TRIM2: variants seen among roughly 807,000 people sequenced by gnomAD.
TRIM2 encodes tripartite motif containing 2, also known as tripartite motif-containing protein 2.
Under a neutral mutation model 75.2 loss-of-function variants are expected in TRIM2, and 20 were observed. That is an observed-to-expected ratio of 0.27 (90% CI 0.19 to 0.39). The LOEUF is 0.39. Among genes scored for constraint, TRIM2 ranks in the 10% least tolerant of loss-of-function variants. The pLI is 1.00. For synonymous variants in TRIM2, 373 were observed against 388.3 expected (o/e 0.96, Z 0.46); for missense variants, 660 against 990.8 (o/e 0.67, Z 4.48).
chr4:153,312,586 G>A (rs1460600383), intron 6 of TRIM2, among the ~76,000 whole-genome samples: 1 of 152,092 alleles, frequency 6.6e-6, no homozygotes, highest in Non-Finnish European at 1.5e-5. Flanking sequence ...TGGAGAAATA[G>A]GAATACTTTT....
chr4:153,239,981 C>A (rs183399582), intron 1 of TRIM2, among the ~76,000 whole-genome samples: 1 of 152,052 alleles, frequency 6.6e-6, no homozygotes, highest in Admixed American at 6.5e-5. Flanking sequence ...ACTGCATCCA[C>A]GCGCCACACG....
At chr4:153,246,672 G>C (rs924309865) in intron 1 of TRIM2, among the ~76,000 whole-genome samples, 1 of 152,148 alleles carries the variant, frequency 6.6e-6, no homozygotes, top group Non-Finnish European at 1.5e-5. Context: ...GTGGGAGAAA[G>C]GGGGAGGAAG....
chr4:153,203,103 CAAAAAAA>C (rs200371158), upstream of TRIM2, among the ~76,000 whole-genome samples: 31 of 87,346 alleles, frequency 3.5e-4, no homozygotes, highest in Admixed American at 6.2e-4. Context: ...GACTCCATCT[CAAAAAAA>C]AAAAAAAAAA....
intron 10 of TRIM2, among the ~76,000 whole-genome samples, chr4:153,327,129 C>A (rs1770413190): frequency 6.6e-6 from 1 of 151,990 alleles, no homozygotes; most frequent in Admixed American, 6.6e-5. Flanking sequence ...TAAAAGGAGA[C>A]AAAAAGAGTC....
chr4:153,269,053 C>G (rs1755983530), intron 1 of TRIM2, among the ~76,000 whole-genome samples: 1 of 152,136 alleles, frequency 6.6e-6, no homozygotes. Context: ...ATATTAATAG[C>G]ATGTAGGGGA....
intron 1 of TRIM2, among the ~76,000 whole-genome samples, chr4:153,207,390 C>T (rs1402326252): frequency 1.1e-4 from 17 of 152,192 alleles, no homozygotes; most frequent in Admixed American, 9.8e-4. Flanking sequence ...AACCTGGAGT[C>T]CAGCCTCACT....
chr4:153,316,025 T>C, intron 8 of TRIM2, 26 bp downstream of exon 8: 3 of 1,522,020 alleles, frequency 2.0e-6, no homozygotes, highest in Non-Finnish European at 2.6e-6. Flanking sequence ...AATTGTTCAC[T>C]AAACAATGGA....
chr4:153,212,059 A>T (rs1376947614), intron 1 of TRIM2, among the ~76,000 whole-genome samples: 2 of 152,066 alleles, frequency 1.3e-5, no homozygotes, highest in Non-Finnish European at 2.9e-5. Context: ...GGTAGGCTAC[A>T]TTTCCCAGCC....
intron 6 of TRIM2, chr4:153,310,216 T>C (rs189424086): frequency 9.9e-4 from 151 of 152,354 alleles, no homozygotes; most frequent in African/African-American, 3.5e-3. Flanking sequence ...CTAGCTAATA[T>C]GTAACCATCA....
At chr4:153,253,549 G>A (rs1025488107) in intron 1 of TRIM2, among the ~76,000 whole-genome samples, 3 of 152,220 alleles carry the variant, frequency 2.0e-5, no homozygotes, top group Middle Eastern at 3.2e-3. Flanking sequence ...ACTCCATCTT[G>A]AATAGGAGTC....
intron 9 of TRIM2, among the ~76,000 whole-genome samples, chr4:153,323,830 G>A (rs1018853669): frequency 2.6e-5 from 4 of 152,076 alleles, no homozygotes; most frequent in Non-Finnish European, 5.9e-5. Context: ...CACTTCATTA[G>A]GGCTGCTAGA....
intron 1 of TRIM2, among the ~76,000 whole-genome samples, chr4:153,239,997 C>T (rs1204083198): frequency 6.6e-6 from 1 of 151,976 alleles, no homozygotes; most frequent in Non-Finnish European, 1.5e-5. Context: ...ACACGCCCAG[C>T]TAATTTTTCT....
intron 1 of TRIM2, among the ~76,000 whole-genome samples, chr4:153,163,157 A>T (rs1357290302): frequency 1.3e-5 from 2 of 152,172 alleles, no homozygotes; most frequent in Admixed American, 1.3e-4. Context: ...GCTTCTCTAA[A>T]ATTATAATGG....
In TRIM2 at chr4:153,195,898, G is replaced by A. The variant is rs573577282; in HGVS notation, c.-49+42628G>A. 7.2e-5 allele frequency among the ~76,000 whole-genome samples: 11 copies of A among 152,192 alleles called. No homozygotes were observed. In the East Asian group the frequency reaches 7.7e-4, roughly 11 times the overall value. ...GCAATTTCAGCTCACTGCAACCTCCGCCTCCAAGATTCAAGCAATTCTGAT... is the reference window on the plus strand; with the variant it reads ...GCAATTTCAGCTCACTGCAACCTCCACCTCCAAGATTCAAGCAATTCTGAT... On this transcript the variant is annotated intron_variant, in intron 1 of 11. Coordinates refer to the TRIM2 transcript ENST00000437508.
At chr4:153,245,703 G>A (rs576008359) in intron 1 of TRIM2, among the ~76,000 whole-genome samples, 2 of 152,186 alleles carry the variant, frequency 1.3e-5, no homozygotes, top group South Asian at 4.2e-4. Context: ...TTTGAGACAG[G>A]GTCTGTCTTT....
intron 6 of TRIM2, among the ~76,000 whole-genome samples, chr4:153,314,816 G>A (rs1767241049): frequency 1.3e-5 from 2 of 152,204 alleles, no homozygotes; most frequent in African/African-American, 4.8e-5. Context: ...GTGGCCTTCG[G>A]TTTGTCAAAT....
At chr4:153,327,991 C>G (rs1307576235) in intron 10 of TRIM2, among the ~76,000 whole-genome samples, 5 of 152,208 alleles carry the variant, frequency 3.3e-5, no homozygotes, top group African/African-American at 1.2e-4. Context: ...TGTGCACACA[C>G]ACATGCAATG....
At chr4:153,205,156 G>T (rs1735043983) in intron 1 of TRIM2, among the ~76,000 whole-genome samples, 2 of 152,168 alleles carry the variant, frequency 1.3e-5, no homozygotes, top group African/African-American at 4.8e-5. Flanking sequence ...TGAAGAAATA[G>T]CCCCAGGTGA....
chr4:153,152,533 T>C (rs1239303934), upstream of TRIM2: 1 of 151,796 alleles, frequency 6.6e-6, no homozygotes, highest in Admixed American at 6.6e-5. Flanking sequence ...CTTGACAAGA[T>C]TGAGTCGCTA....
Sources: allele counts gnomAD v4.1 joint callset (sites outside exome capture counted in the v4.1 genomes callset), GRCh38; gene constraint gnomAD v4.1.1; transcripts MANE v1.5; gene names NCBI Gene and HGNC (gene_info 2026-07-23, HGNC 2026-07-21).